AK9: variants seen among roughly 807,000 people sequenced by gnomAD.
The protein encoded by AK9 is adenylate kinase 9, also known as adenylate kinase domain containing 1.
In AK9, 191 loss-of-function variants were observed where a neutral mutation model predicts 239.6. The observed-to-expected ratio is 0.80, with a 90% confidence interval of 0.71 to 0.90. The LOEUF is 0.90. Among genes scored for constraint, AK9 ranks in the 40% least tolerant of loss-of-function variants. The pLI is 0.00. For missense variants in AK9, 1,995 were observed against 2,214.7 expected, an observed-to-expected ratio of 0.90 and a Z score of 1.99; for synonymous variants, 689 against 721.0, an observed-to-expected ratio of 0.96 and a Z score of 0.71.
intron 29 of AK9, 140 bp from the exon 30 acceptor site, chr6:109,516,782 G>A (rs1421408077): frequency 1.6e-5 from 12 of 732,746 alleles, no homozygotes; most frequent in Non-Finnish European, 2.2e-5. Context: ...AACGCAATAA[G>A]GTTTTAAATA....
chr6:109,551,184 C>T (rs1367419924), intron 24 of AK9, among the ~76,000 whole-genome samples: 2 of 152,110 alleles, frequency 1.3e-5, no homozygotes, highest in Non-Finnish European at 2.9e-5. Flanking sequence ...ATGAGACTAA[C>T]CTTTCCTTTT....
At chr6:109,645,933 AC>A (rs1015743477) in intron 8 of AK9, among the ~76,000 whole-genome samples, 1 of 152,222 alleles carries the variant, frequency 6.6e-6, no homozygotes, top group Admixed American at 6.5e-5. Context: ...CGCTGGTGAT[AC>A]CCAGGCAAAC....
At chr6:109,641,463 C>A in intron 10 of AK9, 55 bp downstream of exon 10, 1 of 1,446,076 alleles carries the variant, frequency 6.9e-7, no homozygotes, top group South Asian at 1.2e-5. Context: ...GCCACTGCAC[C>A]CTGCCCACAA....
chr6:109,686,775 A>G (rs138356224), intron 1 of AK9, among the ~76,000 whole-genome samples: 2 of 152,360 alleles, frequency 1.3e-5, no homozygotes, highest in African/African-American at 4.8e-5. Flanking sequence ...ATGCCTGGTC[A>G]TGGGATATCA....
At chr6:109,518,361 A>G (rs1172877752) in intron 29 of AK9, among the ~76,000 whole-genome samples, 2 of 152,124 alleles carry the variant, frequency 1.3e-5, no homozygotes, top group Admixed American at 1.3e-4. Flanking sequence ...CTATCCTGAT[A>G]TTTAATTTTC....
At chr6:109,617,477 TAGAAATTCCAGA>T (rs1794315625) in intron 13 of AK9, among the ~76,000 whole-genome samples, 1 of 152,068 alleles carries the variant, frequency 6.6e-6, no homozygotes, top group South Asian at 2.1e-4. Context: ...ATCAATAGAA[TAGAAATTCCAGA>T]AGTTTATACA....
chr6:109,651,709 T>C (rs1562555443), intron 8 of AK9, among the ~76,000 whole-genome samples: 2 of 151,672 alleles, frequency 1.3e-5, no homozygotes, highest in South Asian at 4.2e-4. Flanking sequence ...AAAAATCAAA[T>C]AGATGCAATA....
chr6:109,590,826 G>A (rs1790131106), intron 17 of AK9, among the ~76,000 whole-genome samples: 1 of 152,078 alleles, frequency 6.6e-6, no homozygotes, highest in Non-Finnish European at 1.5e-5. Context: ...CATTTGTATG[G>A]CTTTGAGGGT....
At chr6:109,560,043 G>T (rs1009948760) in intron 24 of AK9, among the ~76,000 whole-genome samples, 2 of 152,002 alleles carry the variant, frequency 1.3e-5, no homozygotes, top group African/African-American at 4.8e-5. Context: ...GATTACATTG[G>T]TCCACGTGGA....
At chr6:109,578,023 C>T (rs1368723460) in intron 20 of AK9, among the ~76,000 whole-genome samples, 2 of 151,844 alleles carry the variant, frequency 1.3e-5, no homozygotes, top group Non-Finnish European at 2.9e-5. Flanking sequence ...CCTCTGCCTC[C>T]CAGGTTCAAG....
chr6:109,672,384 G>A (rs575553485), intron 3 of AK9, among the ~76,000 whole-genome samples: 1 of 152,248 alleles, frequency 6.6e-6, no homozygotes, highest in South Asian at 2.1e-4. Flanking sequence ...CACTTACTAA[G>A]CTTAAGAATC....
In AK9 at chr6:109,557,350, A is replaced by G. The variant is rs146456429; in HGVS notation, c.2751+6247T>C. Among the ~76,000 whole-genome samples, 51 of 152,208 alleles carry G rather than the reference A, an allele frequency of 3.4e-4. No homozygotes were observed. In the East Asian group the frequency reaches 8.9e-3, roughly 27 times the overall value. On this transcript the variant is annotated intron_variant, in intron 24 of 40. Transcript: ENST00000424296. ...TTACCGAGAGGGCTAGAGAGCAGCA[A>G]AGATGGGTGCCTGCTCCTTCTTCTG...
chr6:109,675,696 T>A lies in AK9; in HGVS notation c.50A>T (p.Asp17Val). 1.3e-6 allele frequency: 2 copies of A among 1,598,746 alleles called. No homozygotes were observed. Among genetic ancestry groups the A allele is most frequent in the Non-Finnish European group, 1.7e-6 (2 of 1,174,020 alleles). ...TEEYPFADIF[D>V]EDETERNFLL... ...AAAATTCCTTTCAGTTTCATCTTCA[T>A]CAAATATATCTGCAAAAGGATACTC... Residue 17 changes from aspartate (D) to valine (V), a missense_variant, in exon 2 of 41, where the codon GAT becomes GTT. By Grantham distance (152) the Asp-to-Val change is radical. Around this residue, in one of 5 missense-constraint regions of AK9, gnomAD observed 252 missense variants for 246.4 expected, o/e 1.02. Coordinates refer to ENST00000424296, the MANE Select transcript of AK9 (RefSeq NM_001145128.3).
At position 109,564,204 on chromosome 6, in the gene AK9, AG is replaced by A; in HGVS notation, c.2510del (p.Ser837PhefsTer9). The A allele has an allele frequency of 6.4e-7, 1 of 1,551,496 alleles. No individual in the cohort carries two copies. The highest frequency in any genetic ancestry group is 1.2e-5 in the South Asian group (1 of 84,050). On this transcript the variant is annotated frameshift_variant, in exon 23 of 41. Transcript: ENST00000424296. LOFTEE classifies it high-confidence loss of function. ...EMEPFKEKIG[S>X]FIILWKQLEA... ...CTAGCTGTTTCCAGAGGATGATGAA[AG>A]AACCAATCTTCTCTTTAAATGGCTC...
At chr6:109,521,747 T>C (rs1779887288) in intron 29 of AK9, among the ~76,000 whole-genome samples, 1 of 152,110 alleles carries the variant, frequency 6.6e-6, no homozygotes, top group South Asian at 2.1e-4. Context: ...AAACATGCAC[T>C]ATTCTAAGTA....
chr6:109,647,998 A>G (rs1562547580), intron 8 of AK9, among the ~76,000 whole-genome samples: 1 of 152,180 alleles, frequency 6.6e-6, no homozygotes, highest in Non-Finnish European at 1.5e-5. Context: ...TACTGGGTAC[A>G]TAATGAAATG....
At chr6:109,673,690 G>C (rs1771267617) in intron 3 of AK9, among the ~76,000 whole-genome samples, 2 of 152,032 alleles carry the variant, frequency 1.3e-5, no homozygotes, top group Admixed American at 1.3e-4. Flanking sequence ...TTCATAAAAA[G>C]ACACCCAAAC....
rs927484000 is a variant in AK9 at position 109,516,623 on chromosome 6, T to C, written c.3653A>G (p.Glu1218Gly). 3 of 1,549,552 alleles carry C rather than the reference T, an allele frequency of 1.9e-6. No homozygotes were observed. The African/African-American group carries it at 4.1e-5, about 21-fold the overall frequency. ...TTCAAGTTCTTCCTCACTAATCTCT[T>C]CATCATCTCTAACAACATTCTAAGG... is the stretch of plus-strand genomic sequence containing the variant. ...KRRENVVRDD[E>G]EISEEELEED... The change falls in exon 30 of 41, where the codon GAA (glutamate) becomes GGA (glycine). Residue 1218 changes from glutamate to glycine, a missense_variant. Glu to Gly is a moderately conservative substitution (Grantham distance 98). Coordinates refer to ENST00000424296, the MANE Select transcript of AK9 (RefSeq NM_001145128.3).
At chr6:109,597,717 G>A (rs1292016169) in intron 17 of AK9, among the ~76,000 whole-genome samples, 3 of 151,736 alleles carry the variant, frequency 2.0e-5, no homozygotes, top group South Asian at 2.1e-4. Flanking sequence ...TGCCTGCTTC[G>A]AAGAAATAAT....
Sources: gnomAD v4.1 joint callset for allele counts (sites outside exome capture counted in the v4.1 genomes callset) on GRCh38, gnomAD v4.1.1 for gene constraint, gnomAD v4.1.1 regional missense constraint, MANE v1.5 for transcripts, NCBI Gene and HGNC (gene_info 2026-07-23, HGNC 2026-07-21) for gene names.